SUMF1: variants seen among roughly 807,000 people sequenced by gnomAD.
SUMF1 encodes formylglycine-generating enzyme.
A neutral mutation model predicts 47.6 loss-of-function variants in SUMF1; 48 were observed. The ratio of observed to expected loss-of-function variants is 1.01; its 90% CI spans 0.80 to 1.28. The LOEUF (loss-of-function observed/expected upper bound fraction) is 1.28, where lower values mean the gene tolerates loss of function less well. SUMF1 is among the 50% of genes most tolerant of loss of function. The pLI, the probability that SUMF1 is intolerant of heterozygous loss-of-function variation, is 0.00. For synonymous variants in SUMF1, 230 were observed against 192.1 expected (o/e 1.20, Z -1.63); for missense variants, 571 against 485.4 (o/e 1.18, Z -1.66).
intron 7 of SUMF1, among the ~76,000 whole-genome samples, chr3:4,403,780 G>A (rs1009282126): frequency 6.6e-6 from 1 of 152,180 alleles, no homozygotes; most frequent in Non-Finnish European, 1.5e-5. Flanking sequence ...TTAGCAAGAG[G>A]CTGCAGGACC....
intron 1 of SUMF1, among the ~76,000 whole-genome samples, chr3:4,454,734 A>C (rs1219794138): frequency 6.6e-6 from 1 of 152,260 alleles, no homozygotes; most frequent in African/African-American, 2.4e-5. Flanking sequence ...AAAATGGAAT[A>C]ATATTCAGAC....
intron 8 of SUMF1, among the ~76,000 whole-genome samples, chr3:4,291,722 C>T (rs567732688): frequency 3.3e-5 from 5 of 152,210 alleles, no homozygotes; most frequent in Admixed American, 6.5e-5. Context: ...AAGTGGAAAA[C>T]TAAATTGCCA....
intron 8 of SUMF1, among the ~76,000 whole-genome samples, chr3:4,184,352 G>C (rs950460942): frequency 1.3e-5 from 2 of 151,112 alleles, no homozygotes; most frequent in African/African-American, 2.4e-5. Context: ...GCTACTCCAG[G>C]GGCTGAGGTA....
rs369311457 is a variant in SUMF1 at position 4,456,953 on chromosome 3, C to CGT, written c.271-3906_271-3905dup. ...ATATATACGTGTGTGTACATATATA[C>CGT]GTGTGTGTATATATATACGTGTGTG... On this transcript the variant is annotated intron_variant, in intron 1 of 8. Transcript: ENST00000272902. Among the ~76,000 whole-genome samples the CGT allele has an allele frequency of 9.4e-5, 4 of 42,520 alleles. 1 individual carries two copies. The highest frequency in any genetic ancestry group is 2.3e-4 in the Admixed American group (1 of 4,336). The allele number at this position is 42,520 out of a possible 152,430, so 27.9% of individuals were successfully genotyped here.
intron 8 of SUMF1, among the ~76,000 whole-genome samples, chr3:4,302,609 G>T (rs1171307442): frequency 6.6e-6 from 1 of 152,098 alleles, no homozygotes; most frequent in Non-Finnish European, 1.5e-5. Context: ...TCCCATCATG[G>T]CCTGAACCAC....
At chr3:4,202,750 A>G (rs535474927) in intron 8 of SUMF1, among the ~76,000 whole-genome samples, 1 of 151,576 alleles carries the variant, frequency 6.6e-6, no homozygotes, top group Non-Finnish European at 1.5e-5. Flanking sequence ...TTTTACTGTA[A>G]CCCATCAGTT....
intron 8 of SUMF1, among the ~76,000 whole-genome samples, chr3:4,089,217 T>C (rs1213872324): frequency 6.6e-6 from 1 of 152,150 alleles, no homozygotes; most frequent in African/African-American, 2.4e-5. Context: ...TGCATAGGGG[T>C]GACCTTGAAT....
At chr3:4,142,292 T>G (rs1367291150) in intron 8 of SUMF1, among the ~76,000 whole-genome samples, 1 of 152,074 alleles carries the variant, frequency 6.6e-6, no homozygotes, top group East Asian at 1.9e-4. Context: ...TTCCATAGAG[T>G]TTTGACAATT....
At chr3:4,445,614 G>C (rs926705427) in intron 3 of SUMF1, among the ~76,000 whole-genome samples, 11 of 152,196 alleles carry the variant, frequency 7.2e-5, no homozygotes, top group African/African-American at 2.6e-4. Flanking sequence ...CAAAGTGCTG[G>C]GATTGTGGGC....
At chr3:4,346,707 A>G (rs1699380603) in intron 8 of SUMF1, among the ~76,000 whole-genome samples, 1 of 147,458 alleles carries the variant, frequency 6.8e-6, no homozygotes, top group Non-Finnish European at 1.5e-5. Context: ...AGATAGAGAC[A>G]CAAAAAAACC....
chr3:4,129,112 G>C (rs529232674), intron 8 of SUMF1, among the ~76,000 whole-genome samples: 14 of 152,282 alleles, frequency 9.2e-5, no homozygotes, highest in South Asian at 8.3e-4. Context: ...TTGCAAAACA[G>C]ATTCGTGAGG....
intron 2 of SUMF1, among the ~76,000 whole-genome samples, chr3:4,451,607 T>C (rs184411841): frequency 3.9e-5 from 6 of 152,312 alleles, no homozygotes; most frequent in African/African-American, 7.2e-5. Context: ...AAGTAAACTA[T>C]TGAGGAACCT....
chr3:4,300,251 C>A lies in SUMF1; in HGVS notation c.1014+76079G>T, dbSNP rs548768129. Among the ~76,000 whole-genome samples, 49 of 152,312 alleles carry A rather than the reference C, an allele frequency of 3.2e-4. 1 individual carries two copies. Among genetic ancestry groups the A allele is most frequent in the South Asian group, 4.1e-4 (2 of 4,828 alleles). On this transcript the variant is annotated intron_variant and NMD_transcript_variant, in intron 8 of 12. Coordinates refer to the SUMF1 transcript ENST00000448413. ...GCTCCTGCTTTGACCATGTGAGATGCCTGCTTCCTCTTCACCTTCTACTAT... is the reference window on the plus strand; with the variant it reads ...GCTCCTGCTTTGACCATGTGAGATGACTGCTTCCTCTTCACCTTCTACTAT...
intron 9 of SUMF1, among the ~76,000 whole-genome samples, chr3:4,066,700 TG>T (rs1205308278): frequency 1.3e-5 from 2 of 152,176 alleles, no homozygotes; most frequent in African/African-American, 2.4e-5. Context: ...AGTTGAGGCT[TG>T]GCTGCCATCT....
intron 8 of SUMF1, among the ~76,000 whole-genome samples, chr3:4,348,595 T>C (rs1201237679): frequency 6.6e-6 from 1 of 151,932 alleles, no homozygotes; most frequent in Non-Finnish European, 1.5e-5. Flanking sequence ...CCAGGCACAG[T>C]GGCTCAAGCC....
rs151043901 is a variant in SUMF1, at chr3:4,465,630, G to A, written c.270+1346C>T. ...AAAGATAAACAGTACTGCAGGACAT[G>A]CTCTAAGGGTAACAGGAAAAAAAGT... On this transcript the variant is annotated intron_variant, in intron 1 of 8. Transcript: ENST00000272902. Among the ~76,000 whole-genome samples, 7 of 152,184 alleles carry A rather than the reference G, an allele frequency of 4.6e-5. No homozygotes were observed. The East Asian group carries it at 9.6e-4, about 21-fold the overall frequency.
At chr3:4,110,840 T>C in intron 8 of SUMF1, among the ~76,000 whole-genome samples, 1 of 102,880 alleles carries the variant, frequency 9.7e-6, no homozygotes, top group Non-Finnish European at 1.8e-5. Context: ...CTGGGGCCTG[T>C]TGTGGGGTGG....
intron 8 of SUMF1, among the ~76,000 whole-genome samples, chr3:4,104,773 A>G (rs1329806497): frequency 6.6e-6 from 1 of 151,934 alleles, no homozygotes; most frequent in Non-Finnish European, 1.5e-5. Flanking sequence ...CCAGGCCTAA[A>G]AATTTGCCTA....
chr3:4,381,249 A>T (rs527271191), intron 7 of SUMF1, among the ~76,000 whole-genome samples: 1 of 152,276 alleles, frequency 6.6e-6, no homozygotes, highest in Non-Finnish European at 1.5e-5. Context: ...GGAAAACCAA[A>T]CATCATATGT....
Sources: allele counts gnomAD v4.1 joint callset (sites outside exome capture counted in the v4.1 genomes callset), GRCh38; gene constraint gnomAD v4.1.1; transcripts MANE v1.5; gene names NCBI Gene and HGNC (gene_info 2026-07-23, HGNC 2026-07-21).